Variants in KCNH8 observed in about 807,000 individuals in gnomAD.
KCNH8 encodes voltage-gated delayed rectifier potassium channel KCNH8.
In KCNH8, 70 loss-of-function variants were observed where a neutral mutation model predicts 103.6. The ratio of observed to expected loss-of-function variants is 0.68; its 90% CI spans 0.56 to 0.82. The LOEUF is 0.82. Among genes scored for constraint, KCNH8 ranks in the 40% least tolerant of loss-of-function variants. KCNH8 has a pLI of 0.00. For synonymous variants in KCNH8, 498 were observed against 489.4 expected, an observed-to-expected ratio of 1.02 and a Z score of -0.23; for missense variants, 1,217 against 1,329.9, an observed-to-expected ratio of 0.92 and a Z score of 1.32.
chr3:19,242,764 C>T lies in KCNH8; in HGVS notation c.77-10890C>T, dbSNP rs191226436. On this transcript the variant is annotated intron_variant, in intron 1 of 15. Transcript: ENST00000328405. ...GTCCTATACCTTGGAGGTTCTGCTT[C>T]AGTAGACCTGAGGTAAGGTTTATGA... is the stretch of plus-strand genomic sequence containing the variant. Among the ~76,000 whole-genome samples, 57 of 152,200 alleles carry T rather than the reference C, an allele frequency of 3.7e-4. 2 individuals carry two copies. The highest frequency in any genetic ancestry group is 1.7e-3 in the East Asian group (9 of 5,170).
At chr3:19,250,255 A>G (rs80017951) in intron 1 of KCNH8, among the ~76,000 whole-genome samples, 2 of 151,426 alleles carry the variant, frequency 1.3e-5, no homozygotes, top group African/African-American at 4.9e-5. Context: ...TCAAAAAAAG[A>G]AAAAAAAATA....
chr3:19,325,595 C>G (rs1201949775), intron 3 of KCNH8, among the ~76,000 whole-genome samples: 1 of 152,160 alleles, frequency 6.6e-6, no homozygotes, highest in Non-Finnish European at 1.5e-5. Flanking sequence ...AGCTCAACAT[C>G]ACTTATCATT....
intron 1 of KCNH8, among the ~76,000 whole-genome samples, chr3:19,162,540 T>C (rs2063244524): frequency 6.6e-6 from 1 of 151,376 alleles, no homozygotes; most frequent in African/African-American, 2.4e-5. Flanking sequence ...AAAAAAGAAA[T>C]ATATTACTAG....
At chr3:19,303,570 A>G (rs751778825) in intron 3 of KCNH8, among the ~76,000 whole-genome samples, 24 of 152,166 alleles carry the variant, frequency 1.6e-4, no homozygotes, top group Non-Finnish European at 2.9e-4. Flanking sequence ...GTCTATATTT[A>G]TAGATTTACC....
At chr3:19,161,625 A>G (rs1189699696) in intron 1 of KCNH8, among the ~76,000 whole-genome samples, 1 of 152,212 alleles carries the variant, frequency 6.6e-6, no homozygotes, top group Non-Finnish European at 1.5e-5. Context: ...TAGGTGAATT[A>G]TATTTCTCTG....
intron 10 of KCNH8, among the ~76,000 whole-genome samples, chr3:19,453,839 G>A (rs950160364): frequency 6.6e-6 from 1 of 152,098 alleles, no homozygotes; most frequent in African/African-American, 2.4e-5. Flanking sequence ...TTACAGTATG[G>A]CAACCTGAAT....
intron 3 of KCNH8, among the ~76,000 whole-genome samples, chr3:19,305,815 G>C (rs887307140): frequency 2.6e-5 from 4 of 152,020 alleles, no homozygotes; most frequent in African/African-American, 9.7e-5. Flanking sequence ...ATTGATTTAA[G>C]CAAAGTAACA....
chr3:19,297,282 T>C (rs1444526903), intron 3 of KCNH8, among the ~76,000 whole-genome samples: 1 of 152,236 alleles, frequency 6.6e-6, no homozygotes, highest in African/African-American at 2.4e-5. Flanking sequence ...TTCCCTCTCA[T>C]GGTTAGAGTG....
At chr3:19,390,396 T>A in intron 5 of KCNH8, 85 bp from the exon 6 acceptor site, 3 of 1,033,222 alleles carry the variant, frequency 2.9e-6, no homozygotes, top group Non-Finnish European at 2.8e-6. Context: ...TCCCTTCCTT[T>A]CTTCTTTCTT....
At chr3:19,235,657 T>C (rs1267115159) in intron 1 of KCNH8, among the ~76,000 whole-genome samples, 2 of 152,234 alleles carry the variant, frequency 1.3e-5, no homozygotes, top group East Asian at 3.9e-4. Context: ...AAGTCTGTTT[T>C]ACGTGGAAAA....
At chr3:19,411,986 A>C (rs866802448) in intron 7 of KCNH8, among the ~76,000 whole-genome samples, 2 of 152,126 alleles carry the variant, frequency 1.3e-5, no homozygotes, top group Middle Eastern at 3.4e-3. Flanking sequence ...TATTTATATT[A>C]AACTACCAAC....
chr3:19,367,348 C>T (rs2066025608), intron 5 of KCNH8, among the ~76,000 whole-genome samples: 1 of 149,168 alleles, frequency 6.7e-6, no homozygotes, highest in African/African-American at 2.5e-5. Flanking sequence ...TTCCTCCATT[C>T]TTTAACCCCG....
At position 19,479,218 on chromosome 3, in the gene KCNH8, G is replaced by A. The variant is rs547545585; in HGVS notation, c.2040+22236G>A. Among the ~76,000 whole-genome samples the A allele has an allele frequency of 2.6e-3, 399 of 152,074 alleles. 6 individuals carry two copies. Among genetic ancestry groups the A allele is most frequent in the African/African-American group, 8.7e-3 (362 of 41,492 alleles). ...ATATGAACTCAGTAGCTGATTCTCCGGCTCTCGTCCAGAAACTCTAAATTC... is the reference window on the plus strand; with the variant it reads ...ATATGAACTCAGTAGCTGATTCTCCAGCTCTCGTCCAGAAACTCTAAATTC... On this transcript the variant is annotated intron_variant, in intron 11 of 15. Coordinates refer to ENST00000328405, the MANE Select transcript of KCNH8 (RefSeq NM_144633.3).
At chr3:19,172,419 A>G (rs976719633) in intron 1 of KCNH8, among the ~76,000 whole-genome samples, 2 of 152,210 alleles carry the variant, frequency 1.3e-5, no homozygotes, top group African/African-American at 4.8e-5. Flanking sequence ...AAAAGTTTTT[A>G]AACTGATAAG....
At chr3:19,424,283 A>G (rs1559321345) in intron 7 of KCNH8, among the ~76,000 whole-genome samples, 1 of 152,178 alleles carries the variant, frequency 6.6e-6, no homozygotes. Flanking sequence ...ATGGAACAGA[A>G]TTGAGATCCC....
At chr3:19,271,725 G>A (rs2064591078) in intron 2 of KCNH8, among the ~76,000 whole-genome samples, 1 of 152,134 alleles carries the variant, frequency 6.6e-6, no homozygotes, top group Non-Finnish European at 1.5e-5. Context: ...ATGAACAGGT[G>A]TAAAATTATA....
chr3:19,397,500 T>TAC (rs553608966), intron 7 of KCNH8, among the ~76,000 whole-genome samples: 1 of 151,142 alleles, frequency 6.6e-6, no homozygotes. Context: ...TATCTATATA[T>TAC]ACACACACAC....
chr3:19,493,164 C>A (rs2068363710), intron 11 of KCNH8, among the ~76,000 whole-genome samples: 1 of 152,066 alleles, frequency 6.6e-6, no homozygotes, highest in South Asian at 2.1e-4. Flanking sequence ...AATAATATCA[C>A]AAAGAGAGAC....
intron 1 of KCNH8, among the ~76,000 whole-genome samples, chr3:19,186,432 A>G (rs1231260055): frequency 6.6e-6 from 1 of 151,966 alleles, no homozygotes; most frequent in Non-Finnish European, 1.5e-5. Flanking sequence ...CATTTCACAA[A>G]TTATTGTGCT....
Sources: gnomAD v4.1 joint callset for allele counts (sites outside exome capture counted in the v4.1 genomes callset) on GRCh38, gnomAD v4.1.1 for gene constraint, MANE v1.5 for transcripts, NCBI Gene and HGNC (gene_info 2026-07-23, HGNC 2026-07-21) for gene names.